ASTN2: variants seen among roughly 807,000 people sequenced by gnomAD.
The protein encoded by ASTN2 is astrotactin 2.
A neutral mutation model predicts 139.8 loss-of-function variants in ASTN2; 54 were observed. That is an observed-to-expected ratio of 0.39 (90% confidence interval 0.31 to 0.48). The LOEUF is 0.48. Ranked by LOEUF, ASTN2 falls within the 20% of genes least tolerant of loss-of-function variation. The pLI is 0.95. For synonymous variants in ASTN2, 756 were observed against 719.5 expected (o/e 1.05, Z -0.81); for missense variants, 1,565 against 1,725.1 (o/e 0.91, Z 1.64).
intron 16 of ASTN2, among the ~76,000 whole-genome samples, chr9:116,661,474 G>A (rs1435223639): frequency 6.6e-6 from 1 of 152,146 alleles, no homozygotes; most frequent in Non-Finnish European, 1.5e-5. Flanking sequence ...CTAGGCACAA[G>A]GGGGGAAAAT....
At chr9:116,517,633 G>A (rs1469794392) in intron 19 of ASTN2, among the ~76,000 whole-genome samples, 1 of 152,202 alleles carries the variant, frequency 6.6e-6, no homozygotes, top group Non-Finnish European at 1.5e-5. Context: ...TGGTTCACCA[G>A]TAATGGATCC....
intron 4 of ASTN2, among the ~76,000 whole-genome samples, chr9:117,138,189 A>G (rs1304003534): frequency 6.6e-6 from 1 of 152,232 alleles, no homozygotes; most frequent in Non-Finnish European, 1.5e-5. Flanking sequence ...CTGAACTACT[A>G]CTGTGGAAGA....
At chr9:117,073,432 G>T (rs1249413758) in intron 5 of ASTN2, among the ~76,000 whole-genome samples, 2 of 152,038 alleles carry the variant, frequency 1.3e-5, no homozygotes, top group Non-Finnish European at 2.9e-5. Flanking sequence ...CCACCCTCCA[G>T]TCCAGGCAGG....
intron 10 of ASTN2, among the ~76,000 whole-genome samples, chr9:116,966,044 C>G (rs1836001792): frequency 6.6e-6 from 1 of 152,164 alleles, no homozygotes. Flanking sequence ...GCTTCAAACC[C>G]AGGTATACTA....
chr9:116,461,792 G>T (rs577734063), intron 20 of ASTN2, among the ~76,000 whole-genome samples: 3 of 152,080 alleles, frequency 2.0e-5, no homozygotes, highest in African/African-American at 7.2e-5. Flanking sequence ...GACGATTAAT[G>T]CTTTGTTATG....
At chr9:117,159,713 T>C (rs960107856) in intron 3 of ASTN2, among the ~76,000 whole-genome samples, 7 of 152,018 alleles carry the variant, frequency 4.6e-5, no homozygotes, top group Non-Finnish European at 1.0e-4. Context: ...ATTTGACAGA[T>C]AAAGAAACTA....
At chr9:117,199,053 T>A (rs1213894430) in intron 3 of ASTN2, among the ~76,000 whole-genome samples, 1 of 152,238 alleles carries the variant, frequency 6.6e-6, no homozygotes, top group Non-Finnish European at 1.5e-5. Context: ...ATGGGTAGAT[T>A]ACAAACATTT....
intron 11 of ASTN2, among the ~76,000 whole-genome samples, chr9:116,852,783 C>T (rs1298514690): frequency 1.3e-5 from 2 of 151,900 alleles, no homozygotes; most frequent in Non-Finnish European, 2.9e-5. Flanking sequence ...GAGAGTCCTA[C>T]ACTGGAATTT....
At chr9:116,446,701 T>C (rs944898573) in intron 20 of ASTN2, among the ~76,000 whole-genome samples, 9 of 152,166 alleles carry the variant, frequency 5.9e-5, no homozygotes, top group Non-Finnish European at 1.3e-4. Flanking sequence ...AAACCATTGC[T>C]ATTCCTTTCC....
At chr9:117,002,212 C>T (rs1229975908) in intron 7 of ASTN2, among the ~76,000 whole-genome samples, 2 of 152,154 alleles carry the variant, frequency 1.3e-5, no homozygotes, top group Non-Finnish European at 2.9e-5. Context: ...GGGAGATAAA[C>T]TTTCAAACAG....
intron 2 of ASTN2, among the ~76,000 whole-genome samples, chr9:117,260,446 C>G (rs539698196): frequency 1.3e-5 from 2 of 152,114 alleles, no homozygotes; most frequent in East Asian, 1.9e-4. Flanking sequence ...GTTTCAGTTC[C>G]CGTCCTCACT....
intron 5 of ASTN2, among the ~76,000 whole-genome samples, chr9:117,049,369 A>T (rs1000281066): frequency 6.6e-6 from 1 of 152,184 alleles, no homozygotes; most frequent in Non-Finnish European, 1.5e-5. Context: ...AAGTCTTTGC[A>T]TTACATTCTG....
At chr9:116,675,905 T>C (rs1166879616) in intron 16 of ASTN2, among the ~76,000 whole-genome samples, 3 of 152,164 alleles carry the variant, frequency 2.0e-5, no homozygotes, top group Non-Finnish European at 4.4e-5. Flanking sequence ...GGGAAAAAGT[T>C]TGAGCTTTGC....
At chr9:117,280,472 A>G (rs1454708855) in intron 2 of ASTN2, among the ~76,000 whole-genome samples, 1 of 152,208 alleles carries the variant, frequency 6.6e-6, no homozygotes, top group Non-Finnish European at 1.5e-5. Context: ...AAATCCAGTG[A>G]CAAGCATCCT....
At chr9:117,181,126 G>A in intron 3 of ASTN2, 1 of 851,168 alleles carries the variant, frequency 1.2e-6, no homozygotes, top group South Asian at 1.4e-5. Flanking sequence ...ACACTACCAA[G>A]AAAGCTGCTG....
chr9:116,683,775 T>C (rs1479190217), intron 16 of ASTN2, among the ~76,000 whole-genome samples: 1 of 152,244 alleles, frequency 6.6e-6, no homozygotes, highest in Non-Finnish European at 1.5e-5. Context: ...TGGAAACTAT[T>C]TGTAAGTATT....
intron 2 of ASTN2, among the ~76,000 whole-genome samples, chr9:117,269,557 T>C (rs1053937309): frequency 2.6e-5 from 4 of 152,088 alleles, no homozygotes; most frequent in African/African-American, 9.7e-5. Context: ...GAAGGAAACA[T>C]GGGCCTTATT....
intron 3 of ASTN2, among the ~76,000 whole-genome samples, chr9:117,172,003 G>C (rs1830806234): frequency 6.6e-6 from 1 of 152,106 alleles, no homozygotes; most frequent in African/African-American, 2.4e-5. Flanking sequence ...ATGATGTTTT[G>C]AGTGAAAAGA....
chr9:117,363,832 A>C (rs748360405), intron 1 of ASTN2, among the ~76,000 whole-genome samples: 1 of 152,074 alleles, frequency 6.6e-6, no homozygotes, highest in Admixed American at 6.6e-5. Flanking sequence ...TCCTTATTTC[A>C]TGCAGTCATG....
Sources: gnomAD v4.1 joint callset for allele counts (sites outside exome capture counted in the v4.1 genomes callset) on GRCh38, gnomAD v4.1.1 for gene constraint, MANE v1.5 for transcripts, NCBI Gene and HGNC (gene_info 2026-07-23, HGNC 2026-07-21) for gene names.